The following ZMYND8 variants were observed in gnomAD, a reference collection of about 807,000 sequenced individuals.
ZMYND8 encodes the protein zinc finger MYND-type containing 8, also known as MYND-type zinc finger-containing chromatin reader ZMYND8.
ZMYND8 carries 37 observed loss-of-function variants against 140.8 expected under a neutral mutation model. The observed-to-expected ratio is 0.26, with a 90% CI of 0.20 to 0.35. The LOEUF is 0.35. Among genes scored for constraint, ZMYND8 ranks in the 10% least tolerant of loss-of-function variants. The pLI is 1.00. For missense variants in ZMYND8, 1,068 were observed against 1,570.0 expected (o/e 0.68, Z 5.40); for synonymous variants, 592 against 597.1 (o/e 0.99, Z 0.12).
At chr20:47,260,833 G>A (rs2075101431) in intron 12 of ZMYND8, among the ~76,000 whole-genome samples, 1 of 152,156 alleles carries the variant, frequency 6.6e-6, no homozygotes, top group African/African-American at 2.4e-5. Context: ...TAGCTGACTT[G>A]CTTTGTACTC....
chr20:47,318,730 C>T (rs1264899436), intron 2 of ZMYND8: 1 of 463,212 alleles, frequency 2.2e-6, no homozygotes, highest in Non-Finnish European at 4.3e-6. Flanking sequence ...GAGCCCTCTC[C>T]TCCAGAGGAC....
In ZMYND8 at chr20:47,298,133, A is replaced by T; in HGVS notation, c.453+596T>A. ...GTTTTCTTCACAGCACTTTTCTTTT[A>T]ATTCATTATATGGAACTTTATTTAT... On this transcript the variant is annotated intron_variant, in intron 4 of 22. Transcript: ENST00000471951. This position sits in a 1 kb window ranked among gnomAD's most constrained non-coding sequence, Gnocchi z 5.0. The T allele has an allele frequency of 4.8e-6, 2 of 420,212 alleles. No individual in the cohort carries two copies. The highest frequency in any genetic ancestry group is 6.4e-6 in the Non-Finnish European group (2 of 313,494). The allele number at this position is 420,212 out of a possible 1,614,324, so 26.0% of individuals were successfully genotyped here.
At chr20:47,240,399 A>C (rs1047944502) in intron 14 of ZMYND8, among the ~76,000 whole-genome samples, 4 of 151,064 alleles carry the variant, frequency 2.6e-5, no homozygotes, top group African/African-American at 9.7e-5. Context: ...CTGTAGTCCC[A>C]GCTACTCAAG....
At chr20:47,297,232 T>A in intron 4 of ZMYND8, among the ~76,000 whole-genome samples, 1 of 152,300 alleles carries the variant, frequency 6.6e-6, no homozygotes, top group South Asian at 2.1e-4. Context: ...ACCATTACAA[T>A]ATCATCGTCA....
chr20:47,250,267 C>T (rs1252326574), intron 12 of ZMYND8, among the ~76,000 whole-genome samples: 2 of 152,144 alleles, frequency 1.3e-5, no homozygotes, highest in African/African-American at 4.8e-5. Flanking sequence ...TCCTCTCCCA[C>T]CGACTCCAGT....
chr20:47,329,650 C>CA (rs775645924), intron 2 of ZMYND8, among the ~76,000 whole-genome samples: 105 of 152,206 alleles, frequency 6.9e-4, no homozygotes, highest in Admixed American at 1.4e-3. Flanking sequence ...GTGATCCACC[C>CA]ACCTTGCCCT....
At chr20:47,265,919 T>C (rs1217350356) in intron 11 of ZMYND8, among the ~76,000 whole-genome samples, 2 of 152,172 alleles carry the variant, frequency 1.3e-5, no homozygotes, top group Non-Finnish European at 2.9e-5. Flanking sequence ...ATGGCAAGAA[T>C]AAGGGTGTCA....
chr20:47,347,458 G>A (rs2082425581), intron 2 of ZMYND8, among the ~76,000 whole-genome samples: 2 of 152,172 alleles, frequency 1.3e-5, no homozygotes, highest in Admixed American at 1.3e-4. Context: ...CCAGTGAAGC[G>A]GGCTGACTTC....
chr20:47,298,604 C>T lies in ZMYND8; in HGVS notation c.453+125G>A. ...CAAGAAGGGGGTGACCAGGATAGAA[C>T]AGGTGGAAAGCAAGAAATTTCTCTT... On this transcript the variant is annotated intron_variant, in intron 4 of 22. Transcript: ENST00000471951. The surrounding 1 kb of genome is among the most constrained non-coding windows in gnomAD (Gnocchi z 5.0). The T allele has an allele frequency of 2.0e-6, 3 of 1,499,262 alleles. No homozygotes were observed. The highest frequency in any genetic ancestry group is 2.1e-5 in the Admixed American group (1 of 46,796). 92.9% of individuals were successfully genotyped at this position (1,499,262 alleles called of 1,614,324 possible).
intron 2 of ZMYND8, among the ~76,000 whole-genome samples, chr20:47,337,076 G>A (rs919871084): frequency 3.3e-5 from 5 of 152,214 alleles, no homozygotes; most frequent in East Asian, 1.9e-4. Flanking sequence ...GGCCAGCCAG[G>A]CACGGTGGCT....
intron 21 of ZMYND8, among the ~76,000 whole-genome samples, chr20:47,217,236 C>CTTA (rs1368053712): frequency 6.6e-6 from 1 of 151,656 alleles, no homozygotes; most frequent in African/African-American, 2.4e-5. Context: ...AGATCAGTGC[C>CTTA]TTATTAGCAG....
chr20:47,310,017 TC>T lies in ZMYND8; in HGVS notation c.234+38del, dbSNP rs768834506. On this transcript the variant is annotated intron_variant, in intron 3 of 22. Coordinates refer to ENST00000471951, the MANE Select transcript of ZMYND8 (RefSeq NM_001281775.3). ...GTTCAGCGCTACTAGCTGGCCTCTG[TC>T]CCACCAGTGAGGACACCGTTCCCAG... 8.1e-6 allele frequency: 13 copies of T among 1,613,510 alleles called. No individual in the cohort carries two copies. In the Admixed American group the frequency reaches 2.2e-4, roughly 27 times the overall value.
At position 47,262,342 on chromosome 20, in the gene ZMYND8, T is replaced by C; in HGVS notation, c.1567A>G (p.Thr523Ala). The C allele has an allele frequency of 6.2e-7, 1 of 1,613,932 alleles. No homozygotes were observed. The highest frequency in any genetic ancestry group is 1.7e-5 in the Admixed American group (1 of 59,976). The change falls in exon 12 of 23, where the codon ACG becomes GCG. Residue 523 changes from threonine (T) to alanine (A), a missense_variant. Around this residue, in one of 10 missense-constraint regions of ZMYND8, gnomAD observed 173 missense variants for 223.3 expected, o/e 0.77. Coordinates refer to ENST00000471951, the MANE Select transcript of ZMYND8 (RefSeq NM_001281775.3). ...GTGGAGGTTTTGTCCGTTTTCGTCG[T>C]GATAGGAGCTGACAGTTGAGGAGAG... is the stretch of plus-strand genomic sequence containing the variant. The part of the protein sequence containing the change: ...PFSPQLSAPI[T>A]TKTDKTSTTG...
At chr20:47,314,982 C>G (rs1421210909) in intron 2 of ZMYND8, among the ~76,000 whole-genome samples, 1 of 152,186 alleles carries the variant, frequency 6.6e-6, no homozygotes, top group Non-Finnish European at 1.5e-5. Flanking sequence ...AGTGCAATTT[C>G]TAGGGACATG....
chr20:47,302,820 G>A (rs911764996), intron 3 of ZMYND8, among the ~76,000 whole-genome samples: 2 of 152,184 alleles, frequency 1.3e-5, no homozygotes, highest in African/African-American at 4.8e-5. Context: ...CACAAAGCTA[G>A]AGGGGAAAAA....
At chr20:47,324,810 C>T (rs1183470361) in intron 2 of ZMYND8, among the ~76,000 whole-genome samples, 1 of 152,238 alleles carries the variant, frequency 6.6e-6, no homozygotes, top group Admixed American at 6.5e-5. Flanking sequence ...GAGAGGCCTT[C>T]TCTGACCACC....
intron 1 of ZMYND8, chr20:47,350,072 G>C: frequency 1.4e-6 from 2 of 1,379,818 alleles, no homozygotes; most frequent in Non-Finnish European, 1.9e-6. Flanking sequence ...GAGCAGAAGA[G>C]AGAGGGAAAA....
chr20:47,225,062 G>A (rs544053541), intron 18 of ZMYND8, among the ~76,000 whole-genome samples: 2 of 152,086 alleles, frequency 1.3e-5, no homozygotes, highest in African/African-American at 2.4e-5. Flanking sequence ...TGAGGAAACC[G>A]AGGCAAACAG....
In ZMYND8 at chr20:47,236,379, T is replaced by C. The variant is rs1236526755; in HGVS notation, c.2803A>G (p.Ile935Val). The C allele has an allele frequency of 1.9e-6, 3 of 1,614,166 alleles. No homozygotes were observed. The highest frequency in any genetic ancestry group is 3.3e-5 in the Admixed American group (2 of 60,016). Residue 935 changes from isoleucine (I) to valine (V), a missense_variant, in exon 16 of 23, where the codon ATC (isoleucine) becomes GTC (valine). By Grantham distance (29) the Ile-to-Val change is conservative. Coordinates refer to ENST00000471951, the MANE Select transcript of ZMYND8 (RefSeq NM_001281775.3). ...LVSSVNADLP[I>V]ATASADVAAD... The stretch of plus-strand genomic sequence containing the variant: ...GCGACATCAGCTGAGGCAGTGGCGA[T>C]GGGCAGGTCAGCGTTGACTGAGGAC...
Sources: gnomAD v4.1 joint callset for allele counts (sites outside exome capture counted in the v4.1 genomes callset) on GRCh38, gnomAD v4.1.1 for gene constraint, gnomAD v4.1.1 regional missense constraint, Gnocchi (gnomAD v3.1) non-coding constraint, MANE v1.5 for transcripts, NCBI Gene and HGNC (gene_info 2026-07-23, HGNC 2026-07-21) for gene names.